Variants in TNIP3 observed in about 807,000 individuals in gnomAD.
The protein encoded by TNIP3 is TNFAIP3-interacting protein 3.
TNIP3 carries 34 observed loss-of-function variants against 54.1 expected under a neutral mutation model. That is an observed-to-expected ratio of 0.63 (90% CI 0.48 to 0.84). TNIP3 has a LOEUF of 0.84. Ranked by LOEUF, TNIP3 falls within the 40% of genes least tolerant of loss-of-function variation. TNIP3 has a pLI of 0.00. For missense variants in TNIP3, 366 were observed against 387.6 expected (o/e 0.94, Z 0.47); for synonymous variants, 134 against 136.8 (o/e 0.98, Z 0.14).
intron 3 of TNIP3, among the ~76,000 whole-genome samples, chr4:121,182,323 A>G (rs879668582): frequency 6.6e-6 from 1 of 152,204 alleles, no homozygotes; most frequent in Non-Finnish European, 1.5e-5. Context: ...CATCGACATG[A>G]GTTGTGCTGA....
At chr4:121,220,719 C>T (rs1035259791), upstream of TNIP3, among the ~76,000 whole-genome samples, 8 of 152,152 alleles carry the variant, frequency 5.3e-5, no homozygotes, top group African/African-American at 1.7e-4. Context: ...CCTGGGTAAA[C>T]GTACCACTTA....
chr4:121,199,072 G>A (rs1361065823), intron 2 of TNIP3, among the ~76,000 whole-genome samples: 1 of 152,052 alleles, frequency 6.6e-6, no homozygotes, highest in Non-Finnish European at 1.5e-5. Context: ...ACAAACAAAG[G>A]GACTTGAGAA....
intron 2 of TNIP3, among the ~76,000 whole-genome samples, chr4:121,209,972 T>C (rs1167466133): frequency 6.6e-6 from 1 of 152,216 alleles, no homozygotes; most frequent in East Asian, 1.9e-4. Context: ...AGAAAATTAT[T>C]AAAATTTGAA....
At chr4:121,205,158 G>A (rs1450057356) in intron 2 of TNIP3, among the ~76,000 whole-genome samples, 1 of 152,160 alleles carries the variant, frequency 6.6e-6, no homozygotes, top group Non-Finnish European at 1.5e-5. Flanking sequence ...GGGGAGATGG[G>A]AATTGCAATT....
At chr4:121,220,134 T>C (rs1017615798), upstream of TNIP3, among the ~76,000 whole-genome samples, 1 of 152,208 alleles carries the variant, frequency 6.6e-6, no homozygotes, top group Non-Finnish European at 1.5e-5. Context: ...ATATTAATTT[T>C]TTAGAAATGA....
At chr4:121,227,460 G>A in exon 1 of TNIP3, 2 of 1,359,000 alleles carry the variant, frequency 1.5e-6, no homozygotes, top group Non-Finnish European at 2.0e-6. Flanking sequence ...CTGTCTTTAA[G>A]ACTCTTTGAA....
intron 2 of TNIP3, among the ~76,000 whole-genome samples, chr4:121,214,154 C>T (rs919877060): frequency 1.3e-5 from 2 of 152,110 alleles, no homozygotes; most frequent in African/African-American, 4.8e-5. Context: ...TGGCTCTCGC[C>T]TCTTGTCTTT....
Position 121,222,746 on chromosome 4 carries a change from A to G in TNIP3, c.3+4639T>C, listed in dbSNP as rs1359317411. 2.0e-5 allele frequency among the ~76,000 whole-genome samples: 3 copies of G among 149,662 alleles called. No homozygotes were observed. In the East Asian group the frequency reaches 5.9e-4, roughly 29 times the overall value. On this transcript the variant is annotated intron_variant, in intron 1 of 12. Coordinates refer to the TNIP3 transcript ENST00000509841. ...TTATTATACATGTTATTAGTTATTA[A>G]TTGTTGGTTGTTCTGCTGAAAATCA...
intron 3 of TNIP3, among the ~76,000 whole-genome samples, chr4:121,178,170 T>C (rs1724468951): frequency 6.6e-6 from 1 of 152,202 alleles, no homozygotes; most frequent in African/African-American, 2.4e-5. Context: ...ATTAGACATA[T>C]TTGAGTTTAG....
At chr4:121,142,825 T>A in intron 7 of TNIP3, 49 bp from the exon 8 acceptor site, 2 of 1,529,266 alleles carry the variant, frequency 1.3e-6, no homozygotes, top group Non-Finnish European at 1.8e-6. Flanking sequence ...TTAAAATCAT[T>A]AATTCCCAAG....
chr4:121,227,277 T>C (rs1461653426), intron 1 of TNIP3: 1 of 957,730 alleles, frequency 1.0e-6, no homozygotes, highest in Non-Finnish European at 1.6e-6. Context: ...GTTATATATG[T>C]CTTTTTAATA....
chr4:121,177,190 T>A (rs1206276432), intron 3 of TNIP3, among the ~76,000 whole-genome samples: 2 of 152,258 alleles, frequency 1.3e-5, no homozygotes, highest in Non-Finnish European at 2.9e-5. Flanking sequence ...ATTATTTTCA[T>A]AATTTTCTCA....
At chr4:121,151,247 T>C (rs1007194352) in intron 5 of TNIP3, among the ~76,000 whole-genome samples, 12 of 152,306 alleles carry the variant, frequency 7.9e-5, no homozygotes, top group Admixed American at 7.8e-4. Flanking sequence ...CTAAGAATAA[T>C]TTGCTTCTGT....
intron 10 of TNIP3, chr4:121,138,115 C>T (rs1728898216): frequency 5.1e-6 from 2 of 390,506 alleles, no homozygotes; most frequent in Non-Finnish European, 1.0e-5. Context: ...TTTTCCCCAG[C>T]ATACTTTGAG....
At chr4:121,164,441 G>T (rs1208336182), upstream of TNIP3, 6 of 755,138 alleles carry the variant, frequency 7.9e-6, no homozygotes, top group Admixed American at 3.0e-4. Context: ...CCTTGCTATA[G>T]TATGTAAATC....
At chr4:121,221,382 G>C (rs1727017825), upstream of TNIP3, among the ~76,000 whole-genome samples, 1 of 152,120 alleles carries the variant, frequency 6.6e-6, no homozygotes, top group African/African-American at 2.4e-5. Context: ...AACAGGAACA[G>C]TAAAGCAGAT....
intron 2 of TNIP3, among the ~76,000 whole-genome samples, chr4:121,183,260 C>T (rs1724819376): frequency 6.6e-6 from 1 of 152,222 alleles, no homozygotes; most frequent in Non-Finnish European, 1.5e-5. Context: ...TAGAATTCTA[C>T]AGTCTGCCTC....
upstream of TNIP3, among the ~76,000 whole-genome samples, chr4:121,166,877 T>C (rs1171195945): frequency 6.6e-6 from 1 of 152,168 alleles, no homozygotes. Context: ...GGATTAGTAA[T>C]GACTAAAAGA....
chr4:121,212,555 T>A (rs145098714), intron 2 of TNIP3, among the ~76,000 whole-genome samples: 1 of 152,132 alleles, frequency 6.6e-6, no homozygotes, highest in South Asian at 2.1e-4. Flanking sequence ...ATGAAAAAAA[T>A]TATGATTGGT....
Sources: gnomAD v4.1 joint callset for allele counts (sites outside exome capture counted in the v4.1 genomes callset) on GRCh38, gnomAD v4.1.1 for gene constraint, MANE v1.5 for transcripts, NCBI Gene and HGNC (gene_info 2026-07-23, HGNC 2026-07-21) for gene names.